GABPB1: variants seen among roughly 807,000 people sequenced by gnomAD.
The protein encoded by GABPB1 is GA binding protein transcription factor subunit beta 1.
In GABPB1, 15 loss-of-function variants were observed where a neutral mutation model predicts 45.9. The ratio of observed to expected loss-of-function variants is 0.33; its 90% CI spans 0.22 to 0.50. GABPB1 has a LOEUF of 0.50. Among genes scored for constraint, GABPB1 ranks in the 20% least tolerant of loss-of-function variants. The pLI, the probability that GABPB1 is intolerant of heterozygous loss-of-function variation, is 0.98. For synonymous variants in GABPB1, 143 were observed against 154.4 expected (o/e 0.93, Z 0.55); for missense variants, 252 against 457.5 (o/e 0.55, Z 4.10).
At chr15:50,288,517 G>T (rs770634046) in intron 7 of GABPB1, among the ~76,000 whole-genome samples, 2 of 151,948 alleles carry the variant, frequency 1.3e-5, no homozygotes, top group African/African-American at 4.8e-5. Flanking sequence ...CTGAGTCTGG[G>T]GCCCTATCCT....
At chr15:50,291,019 C>A (rs900324418) in intron 6 of GABPB1, among the ~76,000 whole-genome samples, 6 of 152,150 alleles carry the variant, frequency 3.9e-5, no homozygotes, top group African/African-American at 1.2e-4. Context: ...CGCAGATATT[C>A]TTTGATAATA....
At chr15:50,301,931 AG>A (rs1302928064) in intron 4 of GABPB1, among the ~76,000 whole-genome samples, 1 of 152,198 alleles carries the variant, frequency 6.6e-6, no homozygotes, top group Non-Finnish European at 1.5e-5. Context: ...CTGCACTCTT[AG>A]GAGTAAAAGG....
At chr15:50,354,630 C>G (rs1366165473) in intron 1 of GABPB1, 3 of 439,358 alleles carry the variant, frequency 6.8e-6, no homozygotes, top group East Asian at 1.7e-4. Context: ...TCGGCGCGAC[C>G]CCATCGCCAC....
chr15:50,302,232 C>T (rs939506273), intron 4 of GABPB1, among the ~76,000 whole-genome samples: 11 of 152,144 alleles, frequency 7.2e-5, no homozygotes, highest in African/African-American at 2.4e-4. Flanking sequence ...AACTGCATCA[C>T]TCACTCAAGG....
chr15:50,325,574 C>T (rs1333186132), intron 1 of GABPB1, among the ~76,000 whole-genome samples: 1 of 152,074 alleles, frequency 6.6e-6, no homozygotes, highest in Non-Finnish European at 1.5e-5. Flanking sequence ...CTCTGTCGCC[C>T]AAGCTGGAGT....
chr15:50,304,205 G>A, intron 2 of GABPB1, 72 bp from the exon 3 acceptor site: 1 of 1,289,784 alleles, frequency 7.8e-7, no homozygotes, highest in Non-Finnish European at 1.0e-6. Flanking sequence ...ATAGTAAACA[G>A]ATTTTCTTTA....
chr15:50,340,959 CATATTACAT>C (rs2048351203), intron 1 of GABPB1, among the ~76,000 whole-genome samples: 2 of 22,982 alleles, frequency 8.7e-5, no homozygotes, highest in Non-Finnish European at 1.9e-4. Context: ...TGTAATATTA[CATATTACAT>C]ATGGTTTATT....
intron 1 of GABPB1, among the ~76,000 whole-genome samples, chr15:50,342,737 T>C (rs1170928474): frequency 2.0e-5 from 3 of 152,178 alleles, no homozygotes; most frequent in Non-Finnish European, 4.4e-5. Context: ...TAGTAACATA[T>C]ATAGATAATT....
At chr15:50,284,814 AAAT>A (rs1216237588) in intron 8 of GABPB1, among the ~76,000 whole-genome samples, 2 of 152,192 alleles carry the variant, frequency 1.3e-5, no homozygotes, top group East Asian at 3.8e-4. Flanking sequence ...AAAAATTATT[AAAT>A]AATAAGTATA....
At chr15:50,329,855 TAAACA>T (rs2047891374) in intron 1 of GABPB1, among the ~76,000 whole-genome samples, 1 of 152,006 alleles carries the variant, frequency 6.6e-6, no homozygotes, top group Non-Finnish European at 1.5e-5. Flanking sequence ...CTTTGCAACA[TAAACA>T]AATTTGCATA....
intron 1 of GABPB1, among the ~76,000 whole-genome samples, chr15:50,342,811 A>G (rs1416004883): frequency 1.3e-5 from 2 of 152,232 alleles, no homozygotes; most frequent in Non-Finnish European, 2.9e-5. Flanking sequence ...CTACTTCTAT[A>G]GTTGTTAGAT....
At position 50,336,098 on chromosome 15, in the gene GABPB1, C is replaced by T. The variant is rs1438362520; in HGVS notation, c.-1+18887G>A. 6.6e-5 allele frequency among the ~76,000 whole-genome samples: 10 copies of T among 152,000 alleles called. No homozygotes were observed. The Middle Eastern group carries it at 0.01, about 155-fold the overall frequency. On this transcript the variant is annotated intron_variant, in intron 1 of 8. Coordinates refer to ENST00000380877, the MANE Select transcript of GABPB1 (RefSeq NM_016654.5). ...TGGCATGGTGGCTCACGCCTGTAAT[C>T]CCAGCACTTTGGGAGGCCAAGGCAG...
intron 1 of GABPB1, among the ~76,000 whole-genome samples, chr15:50,313,822 CTAA>C: frequency 6.6e-6 from 1 of 152,056 alleles, no homozygotes; most frequent in East Asian, 1.9e-4. Flanking sequence ...TACAAAGTTT[CTAA>C]TGTTACTATA....
Position 50,302,958 on chromosome 15 carries a change from C to A in GABPB1, c.442G>T (p.Gly148Ter). ...AATATCTCTGCTAAATCTTCATTTC[C>A]ATTGTCTATTGAAATATCAAATGCA... ...KTAFDISIDN[G>*]NEDLAEILQI... is the part of the protein sequence containing the mutation. The change falls in exon 4 of 9, where the codon GGA (glycine) becomes TGA (stop). Residue 148 changes from glycine (G) to a stop codon, truncating the protein, a stop_gained. Coordinates refer to ENST00000380877, the MANE Select transcript of GABPB1 (RefSeq NM_016654.5). LOFTEE classifies it high-confidence loss of function. 1 of 1,612,372 alleles carries A rather than the reference C, an allele frequency of 6.2e-7. No individual in the cohort carries two copies. Among genetic ancestry groups the A allele is most frequent in the Non-Finnish European group, 8.5e-7 (1 of 1,179,082 alleles).
intron 8 of GABPB1, among the ~76,000 whole-genome samples, chr15:50,283,658 G>A (rs887715189): frequency 2.0e-5 from 3 of 152,058 alleles, no homozygotes; most frequent in East Asian, 3.9e-4. Context: ...CTACAGGTGC[G>A]TGCCACCACA....
intron 7 of GABPB1, among the ~76,000 whole-genome samples, chr15:50,287,616 A>G (rs545410702): frequency 2.6e-5 from 4 of 152,246 alleles, no homozygotes; most frequent in African/African-American, 9.6e-5. Flanking sequence ...AAGAAACCAA[A>G]CCTGCCCAAC....
In GABPB1 at chr15:50,275,997, G is replaced by A. The variant is rs915268623; in HGVS notation, c.*2635C>T. ...GCCTAACGAACTCAGTGTCTGGATA[G>A]TACGTAACAAGAACGATTCTAGGTG... On this transcript the variant is annotated 3_prime_UTR_variant, in exon 9 of 9. Transcript: ENST00000380877. 5 of 152,170 alleles carry A rather than the reference G, an allele frequency of 3.3e-5. No individual in the cohort carries two copies. In the East Asian group the frequency reaches 7.7e-4, roughly 23 times the overall value. The allele number at this position is 152,170 out of a possible 1,614,324, so 9.4% of individuals were successfully genotyped here. A position where few individuals can be genotyped will look rare whatever the true frequency, so the allele number is the denominator to read the frequency against.
chr15:50,326,901 G>A (rs1455042584), intron 1 of GABPB1, among the ~76,000 whole-genome samples: 8 of 151,856 alleles, frequency 5.3e-5, no homozygotes, highest in East Asian at 3.9e-4. Flanking sequence ...TGCTGAATAC[G>A]CTTTCCTTCT....
intron 5 of GABPB1, 102 bp from the exon 6 acceptor site, chr15:50,301,004 T>C (rs1595760875): frequency 2.4e-6 from 2 of 825,596 alleles, no homozygotes; most frequent in East Asian, 5.2e-5. Context: ...AAAGCTTGGA[T>C]AGCATTAGCT....
Sources: gnomAD v4.1 joint callset for allele counts (sites outside exome capture counted in the v4.1 genomes callset) on GRCh38, gnomAD v4.1.1 for gene constraint, MANE v1.5 for transcripts, NCBI Gene and HGNC (gene_info 2026-07-23, HGNC 2026-07-21) for gene names.